The following BRI3 variants were observed in gnomAD, a reference collection of about 807,000 sequenced individuals.
The protein encoded by BRI3 is membrane protein BRI3.
Under a neutral mutation model 12.8 loss-of-function variants are expected in BRI3, and 6 were observed. That is an observed-to-expected ratio of 0.47 (90% CI 0.26 to 0.93). The LOEUF (loss-of-function observed/expected upper bound fraction) is 0.93, where lower values mean the gene tolerates loss of function less well. Ranked by LOEUF, BRI3 falls within the 40% of genes least tolerant of loss-of-function variation. BRI3 has a pLI of 0.15. For synonymous variants in BRI3, 91 were observed against 76.1 expected (o/e 1.20, Z -1.02); for missense variants, 134 against 171.1 (o/e 0.78, Z 1.21).
the BRI3 span, chr7:98,315,622 A>AT: frequency 1.6e-5 from 17 of 1,072,798 alleles, no homozygotes; most frequent in Admixed American, 4.6e-5. Flanking sequence ...ACTAAAAAAA[A>AT]AAAAATAATA....
intron 1 of BRI3, among the ~76,000 whole-genome samples, chr7:98,299,927 G>C (rs1335612257): frequency 6.6e-6 from 1 of 152,148 alleles, no homozygotes; most frequent in Non-Finnish European, 1.5e-5. Flanking sequence ...TGTAGTCCCA[G>C]CTACTTAGGA....
At chr7:98,307,889 G>C (rs11540936) in exon 2 of BRI3, 1 of 1,614,130 alleles carries the variant, frequency 6.2e-7, no homozygotes, top group Non-Finnish European at 8.5e-7. Context: ...TGGGATCTTC[G>C]GAAGTACCTG....
At chr7:98,294,954 C>T (rs1800123416), downstream of BRI3, among the ~76,000 whole-genome samples, 1 of 152,218 alleles carries the variant, frequency 6.6e-6, no homozygotes, top group Non-Finnish European at 1.5e-5. Flanking sequence ...GAGGGTTTAA[C>T]ACTCTTTCCT....
chr7:98,287,013 G>C (rs770822305), intron 2 of BRI3, among the ~76,000 whole-genome samples: 1 of 152,204 alleles, frequency 6.6e-6, no homozygotes, highest in East Asian at 1.9e-4. Flanking sequence ...GGTGAGGGCC[G>C]AACTCTCCTG....
chr7:98,304,276 C>T (rs35637370), upstream of BRI3: 13,548 of 1,613,544 alleles, frequency 8.4e-3, 83 homozygotes, highest in Middle Eastern at 0.016. Flanking sequence ...CTGTCGGCAG[C>T]TGCCCCCATG....
At chr7:98,318,945 C>CAAA in the BRI3 span, among the ~76,000 whole-genome samples, 6 of 114,566 alleles carry the variant, frequency 5.2e-5, no homozygotes, top group African/African-American at 1.1e-4. Context: ...GACTCCATCT[C>CAAA]AAAAAAAAAA....
downstream of BRI3, chr7:98,310,620 A>G (rs1800831940): frequency 6.5e-7 from 1 of 1,531,238 alleles, no homozygotes; most frequent in Non-Finnish European, 8.8e-7. Flanking sequence ...TTAGTCCAAT[A>G]TTAGTATAGT....
At chr7:98,285,651 C>G (rs914401953) in intron 2 of BRI3, among the ~76,000 whole-genome samples, 1 of 152,306 alleles carries the variant, frequency 6.6e-6, no homozygotes, top group Non-Finnish European at 1.5e-5. Flanking sequence ...AGTGGCACTG[C>G]TGGGGTGGGT....
the BRI3 span, among the ~76,000 whole-genome samples, chr7:98,321,403 G>A: frequency 1.3e-5 from 2 of 152,126 alleles, no homozygotes; most frequent in African/African-American, 4.8e-5. Context: ...AACGCCAGGG[G>A]AACCCGCAGC....
chr7:98,301,748 G>A (rs568623255), upstream of BRI3, among the ~76,000 whole-genome samples: 1 of 152,258 alleles, frequency 6.6e-6, no homozygotes, highest in Non-Finnish European at 1.5e-5. Flanking sequence ...TTTGGCAGGT[G>A]CGGCCTGTGG....
chr7:98,322,901 C>T, the BRI3 span: 4 of 152,378 alleles, frequency 2.6e-5, no homozygotes, highest in Admixed American at 2.6e-4. Context: ...ACTTCAGAGC[C>T]CTCTGCAAAC....
chr7:98,317,298 G>T, the BRI3 span: 1 of 1,614,196 alleles, frequency 6.2e-7, no homozygotes, highest in Non-Finnish European at 8.5e-7. Context: ...CTCAGCTTGG[G>T]ATTTCTCCAA....
chr7:98,312,100 A>G, downstream of BRI3: 2 of 1,595,368 alleles, frequency 1.3e-6, no homozygotes, highest in Non-Finnish European at 1.7e-6. Flanking sequence ...CTCCTACCAC[A>G]TTGCTTCTCT....
the BRI3 span, among the ~76,000 whole-genome samples, chr7:98,316,045 G>GGGAC: frequency 6.6e-6 from 1 of 152,164 alleles, no homozygotes; most frequent in Non-Finnish European, 1.5e-5. Flanking sequence ...TGTTTGGGGA[G>GGGAC]GGACCTGGTG....
chr7:98,321,254 T>C, the BRI3 span, among the ~76,000 whole-genome samples: 1 of 152,238 alleles, frequency 6.6e-6, no homozygotes, highest in African/African-American at 2.4e-5. Flanking sequence ...ACTTCGGTCA[T>C]CACAGTAGCT....
chr7:98,289,747 G>C (rs1799838199), intron 2 of BRI3, among the ~76,000 whole-genome samples: 1 of 152,232 alleles, frequency 6.6e-6, no homozygotes, highest in African/African-American at 2.4e-5. Flanking sequence ...GAGCTGGCTA[G>C]TGTGGTTAAT....
upstream of BRI3, chr7:98,306,333 T>G: frequency 7.4e-6 from 10 of 1,356,808 alleles, no homozygotes; most frequent in Non-Finnish European, 1.0e-5. Flanking sequence ...CCACGAGAGC[T>G]GAGGCTTAGG....
At chr7:98,290,601 C>T (rs1204467078) in intron 2 of BRI3, among the ~76,000 whole-genome samples, 2 of 152,182 alleles carry the variant, frequency 1.3e-5, no homozygotes, top group South Asian at 2.1e-4. Context: ...TGGATTCAAG[C>T]GATTCTCCTG....
At position 98,291,039 on chromosome 7, in the gene BRI3, G is replaced by T. The variant is rs1006004146; in HGVS notation, c.246-72G>T. 1.2e-5 allele frequency: 19 copies of T among 1,567,506 alleles called. No homozygotes were observed. The African/African-American group carries it at 2.6e-4, about 21-fold the overall frequency. ...GCCACTGGTTGGTTATTGAATGCAA[G>T]GGTGGCAGGGGTGAGGGTTCTGGCT... On this transcript the variant is annotated intron_variant, in intron 2 of 2. Transcript: ENST00000297290.
Sources: gnomAD v4.1 joint callset for allele counts (sites outside exome capture counted in the v4.1 genomes callset) on GRCh38, gnomAD v4.1.1 for gene constraint, MANE v1.5 for transcripts, NCBI Gene and HGNC (gene_info 2026-07-23, HGNC 2026-07-21) for gene names.